LY75: variants seen among roughly 807,000 people sequenced by gnomAD.
The protein encoded by LY75 is C-type lectin domain family 13 member B.
In LY75, 185 loss-of-function variants were observed where a neutral mutation model predicts 231.7. The observed-to-expected ratio is 0.80, with a 90% CI of 0.71 to 0.90. The LOEUF is 0.90. Ranked by LOEUF, LY75 falls within the 40% of genes least tolerant of loss-of-function variation. The probability of loss-of-function intolerance (pLI) is 0.00; values close to 1 mark genes in which losing one functional copy is unlikely to be tolerated. For synonymous variants in LY75, 668 were observed against 689.0 expected (o/e 0.97, Z 0.48); for missense variants, 1,947 against 2,050.2 (o/e 0.95, Z 0.97).
chr2:159,887,008 T>C (rs1685606127), intron 4 of LY75, among the ~76,000 whole-genome samples: 1 of 151,786 alleles, frequency 6.6e-6, no homozygotes. Flanking sequence ...CATGAGAATT[T>C]CAATCTAGTA....
intron 29 of LY75, among the ~76,000 whole-genome samples, chr2:159,819,405 C>T (rs1311629948): frequency 6.7e-6 from 1 of 149,604 alleles, no homozygotes; most frequent in African/African-American, 2.5e-5. Context: ...GAAGCCTTTC[C>T]TTTTTTTTTT....
At chr2:159,807,658 C>T in intron 33 of LY75, 1 of 985,392 alleles carries the variant, frequency 1.0e-6, no homozygotes, top group Non-Finnish European at 1.2e-6. Context: ...ACAGTGTAAA[C>T]ACGATTTAGG....
At chr2:159,813,723 T>A (rs1308119936) in intron 31 of LY75, among the ~76,000 whole-genome samples, 1 of 152,186 alleles carries the variant, frequency 6.6e-6, no homozygotes, top group Non-Finnish European at 1.5e-5. Context: ...CCTAGATCTG[T>A]AAAGACTATT....
In LY75 at chr2:159,842,187, CTA is replaced by C. The variant is rs75316771; in HGVS notation, c.3280+56_3280+57del. ...CTATAGAAAGTGACTCTCTCTCTCT[CTA>C]TATATATATATGTAATAGCATAAAG... is the stretch of plus-strand genomic sequence containing the variant. On this transcript the variant is annotated intron_variant, in intron 24 of 34. Transcript: ENST00000263636. The C allele has an allele frequency of 2.8e-3, 3,907 of 1,390,016 alleles. 1 individual carries two copies. The highest frequency in any genetic ancestry group is 4.1e-3 in the Admixed American group (215 of 51,946). The allele number at this position is 1,390,016 out of a possible 1,614,324, so 86.1% of individuals were successfully genotyped here.
At chr2:159,838,757 T>A (rs566599516) in intron 25 of LY75, among the ~76,000 whole-genome samples, 7 of 152,276 alleles carry the variant, frequency 4.6e-5, no homozygotes, top group African/African-American at 1.4e-4. Context: ...AGCTTCCCCA[T>A]CTCCTGGCTT....
chr2:159,851,801 T>C (rs1228500361), intron 21 of LY75, among the ~76,000 whole-genome samples: 1 of 152,220 alleles, frequency 6.6e-6, no homozygotes, highest in African/African-American at 2.4e-5. Flanking sequence ...GTTTGTGAAA[T>C]GCTGGTCTAA....
chr2:159,808,158 G>A (rs1682843331), intron 33 of LY75: 2 of 982,172 alleles, frequency 2.0e-6, no homozygotes, highest in African/African-American at 3.5e-5. Context: ...CATTCCTGTG[G>A]AGAAGAAAAT....
At chr2:159,864,707 A>G in intron 14 of LY75, 132 bp downstream of exon 14, 1 of 863,202 alleles carries the variant, frequency 1.2e-6, no homozygotes, top group South Asian at 2.5e-5. Flanking sequence ...TTTGCTCAAG[A>G]TTTCTTTGGC....
At chr2:159,856,522 C>A (rs1684553540) in intron 16 of LY75, among the ~76,000 whole-genome samples, 1 of 152,006 alleles carries the variant, frequency 6.6e-6, no homozygotes, top group Admixed American at 6.6e-5. Flanking sequence ...CTCTAATAAC[C>A]AAGAAAATAT....
At chr2:159,894,508 G>A (rs1685853417) in intron 2 of LY75, among the ~76,000 whole-genome samples, 2 of 152,244 alleles carry the variant, frequency 1.3e-5, no homozygotes, top group Admixed American at 1.3e-4. Flanking sequence ...TTTAGAAAGT[G>A]TTGGAGCCAG....
At chr2:159,814,511 T>C (rs1317962361) in intron 31 of LY75, among the ~76,000 whole-genome samples, 1 of 151,832 alleles carries the variant, frequency 6.6e-6, no homozygotes, top group African/African-American at 2.4e-5. Context: ...AAATATTAGC[T>C]GGGTGTGGTG....
At chr2:159,829,571 T>G (rs1383080665) in intron 28 of LY75, among the ~76,000 whole-genome samples, 1 of 152,214 alleles carries the variant, frequency 6.6e-6, no homozygotes, top group Non-Finnish European at 1.5e-5. Flanking sequence ...TTACAGTGAT[T>G]TCTATTCATG....
rs747810711 is a variant in LY75, at chr2:159,872,572, C to A, written c.1996G>T (p.Val666Leu). 6.8e-6 allele frequency: 11 copies of A among 1,613,606 alleles called. 1 individual carries two copies. The highest frequency in any genetic ancestry group is 3.4e-6 in the Non-Finnish European group (4 of 1,179,818). Residue 666 changes from valine (V) to leucine (L), a missense_variant, in exon 13 of 35, where the codon GTA (valine) becomes TTA (leucine). Val to Leu is a conservative substitution (Grantham distance 32, BLOSUM62 1). Transcript: ENST00000263636. ...GCTTCTTCCCAGTTCCTCTTTCTTA[C>A]AATTCTTTCTGCATGGAATACCTTA... ...CYKVFHAERI[V>L]RKRNWEEAER...
Position 159,874,084 on chromosome 2 carries a change from GTATATATTTTGTAAATATATAAACGTA to G in LY75, c.1974+1333_1974+1359del, listed in dbSNP as rs1685104737. 6.2e-4 allele frequency among the ~76,000 whole-genome samples: 4 copies of G among 6,446 alleles called. 1 individual carries two copies. Among genetic ancestry groups the G allele is most frequent in the African/African-American group, 1.2e-3 (4 of 3,348 alleles). 4.2% of individuals were successfully genotyped at this position (6,446 alleles called of 152,430 possible). On this transcript the variant is annotated intron_variant, in intron 12 of 34. Coordinates refer to ENST00000263636, the MANE Select transcript of LY75 (RefSeq NM_002349.4). ...ATATATTTTGTAAAAATATATAAAC[GTATATATTTTGTAAATATATAAACGTA>G]TATATATTTTGTAAATATATAAACG...
chr2:159,818,418 G>A (rs910337266), intron 29 of LY75, among the ~76,000 whole-genome samples: 2 of 152,058 alleles, frequency 1.3e-5, no homozygotes, highest in African/African-American at 2.4e-5. Context: ...AAAAACATAC[G>A]CCAACCCAAA....
At position 159,834,145 on chromosome 2, in the gene LY75, G is replaced by C; in HGVS notation, c.3740C>G (p.Pro1247Arg). Residue 1247 changes from proline to arginine, a missense_variant, in exon 27 of 35, where the codon CCG (proline) becomes CGG (arginine). Coordinates refer to ENST00000263636, the MANE Select transcript of LY75 (RefSeq NM_002349.4). ...GCAACAGTTCTGAAATGGTATCCACGGAGTATTTAGAACAGGAGATGGACA... is the reference window on the plus strand; with the variant it reads ...GCAACAGTTCTGAAATGGTATCCACCGAGTATTTAGAACAGGAGATGGACA... ...VKCPSPVLNT[P>R]WIPFQNCCYN... The C allele has an allele frequency of 6.2e-7, 1 of 1,613,952 alleles. No individual in the cohort carries two copies. Among genetic ancestry groups the C allele is most frequent in the Non-Finnish European group, 8.5e-7 (1 of 1,179,940 alleles).
intron 27 of LY75, 25 bp from the exon 28 acceptor site, chr2:159,831,811 A>G (rs1446944679): frequency 6.4e-7 from 1 of 1,566,222 alleles, no homozygotes; most frequent in Non-Finnish European, 8.7e-7. Context: ...ATAATCAATA[A>G]TTTTAACAAT....
chr2:159,828,900 A>G (rs996546045), intron 28 of LY75, among the ~76,000 whole-genome samples: 4 of 152,214 alleles, frequency 2.6e-5, no homozygotes, highest in African/African-American at 9.6e-5. Flanking sequence ...GTCACACGCA[A>G]AAAGCACACA....
chr2:159,850,227 A>G (rs918393355), intron 22 of LY75, 87 bp from the exon 23 acceptor site: 4 of 1,509,460 alleles, frequency 2.6e-6, no homozygotes, highest in South Asian at 1.3e-5. Context: ...TTGTTTATCT[A>G]TCAACATAGT....
Sources: gnomAD v4.1 joint callset for allele counts (sites outside exome capture counted in the v4.1 genomes callset) on GRCh38, gnomAD v4.1.1 for gene constraint, MANE v1.5 for transcripts, NCBI Gene and HGNC (gene_info 2026-07-23, HGNC 2026-07-21) for gene names.